Variants in CSNK1A1 observed in about 807,000 individuals in gnomAD.
CSNK1A1 encodes the protein casein kinase 1 alpha 1, also known as casein kinase I isoform alpha.
In CSNK1A1, 7 loss-of-function variants were observed where a neutral mutation model predicts 46.1. The observed-to-expected ratio is 0.15, with a 90% CI of 0.09 to 0.29. The LOEUF is 0.29. Among genes scored for constraint, CSNK1A1 ranks in the 10% least tolerant of loss-of-function variants. CSNK1A1 has a pLI of 1.00. For missense variants in CSNK1A1, 96 were observed against 417.1 expected (o/e 0.23, Z 6.71); for synonymous variants, 137 against 141.5 (o/e 0.97, Z 0.23).
rs753475650 is a variant in CSNK1A1, at chr5:149,525,145, T to C, written c.257A>G (p.Asn86Ser). The C allele has an allele frequency of 3.7e-6, 6 of 1,611,442 alleles. No individual in the cohort carries two copies. Among genetic ancestry groups the C allele is most frequent in the East Asian group, 2.2e-5 (1 of 44,774 alleles). Residue 86 changes from asparagine to serine, a missense_variant, in exon 3 of 10, where the codon AAT becomes AGT. Asn to Ser is a conservative substitution (Grantham distance 46). Transcript: ENST00000377843. This position sits in a 1 kb window ranked among gnomAD's most constrained non-coding sequence, Gnocchi z 4.2. The stretch of plus-strand genomic sequence containing the variant: ...TCCCAGAAGATCCATGACTAGTACA[T>C]TGTAGTCTTTTTCCTGACCATACCA... ...IRWYGQEKDY[N>S]VLVMDLLGPS...
chr5:149,505,046 A>G (rs1365184804), intron 9 of CSNK1A1: 2 of 987,830 alleles, frequency 2.0e-6, no homozygotes, highest in South Asian at 4.7e-5. Context: ...AAGTCAAAAT[A>G]TGGCTAACCA....
chr5:149,504,532 G>C (rs1236420202), intron 9 of CSNK1A1: 3 of 985,208 alleles, frequency 3.0e-6, no homozygotes, highest in Non-Finnish European at 3.6e-6. Context: ...CCCAGAAATG[G>C]GAAAAGAAAG....
At chr5:149,518,738 AG>A (rs1291551863) in intron 4 of CSNK1A1, among the ~76,000 whole-genome samples, 1 of 151,742 alleles carries the variant, frequency 6.6e-6, no homozygotes, top group African/African-American at 2.4e-5. Flanking sequence ...TTTCACCACT[AG>A]ATAACTTACA....
At chr5:149,533,157 A>G (rs1480221123) in intron 2 of CSNK1A1, among the ~76,000 whole-genome samples, 1 of 152,218 alleles carries the variant, frequency 6.6e-6, no homozygotes, top group Non-Finnish European at 1.5e-5. Flanking sequence ...CAAAAATTAT[A>G]AAAACAAACA....
At chr5:149,527,329 T>C (rs1028963364) in intron 2 of CSNK1A1, among the ~76,000 whole-genome samples, 23 of 152,164 alleles carry the variant, frequency 1.5e-4, no homozygotes, top group African/African-American at 5.6e-4. Flanking sequence ...CGTTTCACAA[T>C]GTTGGCCAGG....
chr5:149,540,536 C>CTATAATGTACCTATAATGTTTA (rs1762196455), intron 2 of CSNK1A1, among the ~76,000 whole-genome samples: 2 of 152,132 alleles, frequency 1.3e-5, no homozygotes, highest in Admixed American at 6.5e-5. Context: ...TATAATGTAC[C>CTATAATGTACCTATAATGTTTA]TCATGGTGAT....
rs761178044 is a variant in CSNK1A1, at chr5:149,550,189, G to A, written c.124-8C>T. 1.2e-6 allele frequency: 2 copies of A among 1,612,858 alleles called. No homozygotes were observed. Among genetic ancestry groups the A allele is most frequent in the South Asian group, 1.1e-5 (1 of 90,994 alleles). On this transcript the variant is annotated splice_polypyrimidine_tract_variant and splice_region_variant and intron_variant, in intron 1 of 9. Transcript: ENST00000377843. The surrounding 1 kb of genome is among the most constrained non-coding windows in gnomAD (Gnocchi z 4.3). ...TAGCTTCACTGCCACTTCCTGCAGG[G>A]GAAAGAGGGGATGATGGCATCAACA...
chr5:149,523,176 G>A (rs1174320319), intron 3 of CSNK1A1, among the ~76,000 whole-genome samples: 4 of 151,908 alleles, frequency 2.6e-5, no homozygotes, highest in African/African-American at 9.7e-5. Context: ...GGGTAGCTGG[G>A]ATTACAGGTG....
Position 149,542,576 on chromosome 5 carries a change from G to A in CSNK1A1, c.230+7499C>T, listed in dbSNP as rs577151381. Among the ~76,000 whole-genome samples, 292 of 96,136 alleles carry A rather than the reference G, an allele frequency of 3.0e-3. 4 individuals are homozygous for A. Among genetic ancestry groups the A allele is most frequent in the African/African-American group, 0.011 (283 of 25,152 alleles). The allele number at this position is 96,136 out of a possible 152,430, so 63.1% of individuals were successfully genotyped here. A position where few individuals can be genotyped will look rare whatever the true frequency, so the allele number is the denominator to read the frequency against. On this transcript the variant is annotated intron_variant, in intron 2 of 9. Transcript: ENST00000377843. ...TTACATGGGTTCAAGCATTTACTCC[G>A]AAATGAGATACAAATTTATATATAT...
At chr5:149,533,658 G>A (rs1485641329) in intron 2 of CSNK1A1, among the ~76,000 whole-genome samples, 1 of 150,798 alleles carries the variant, frequency 6.6e-6, no homozygotes. Flanking sequence ...ACAAATAATT[G>A]AGCGGGGACG....
At chr5:149,505,928 C>A (rs969934978) in intron 8 of CSNK1A1, among the ~76,000 whole-genome samples, 8 of 151,908 alleles carry the variant, frequency 5.3e-5, no homozygotes, top group Non-Finnish European at 1.0e-4. Context: ...TACCTGAATT[C>A]TCTCTTTTTT....
chr5:149,543,477 C>T (rs1034655287), intron 2 of CSNK1A1, among the ~76,000 whole-genome samples: 3 of 151,394 alleles, frequency 2.0e-5, no homozygotes, highest in Non-Finnish European at 2.9e-5. Context: ...CTGTGACGTA[C>T]GTTTTTCTGG....
At position 149,550,146 on chromosome 5, in the gene CSNK1A1, C is replaced by T. The variant is rs1762610359; in HGVS notation, c.159G>A (p.Arg53=). ...VAVKLESQKA[R]HPQLLYESKL... is the part of the protein sequence containing the mutation. ...TGCTCTCGTACAGCAACTGGGGATG[C>T]CTGGCCTTCTGAGATTCTAGCTTCA... The change falls in exon 2 of 10, where the codon AGG becomes AGA. Residue 53 remains arginine, a synonymous_variant. Coordinates refer to ENST00000377843, the MANE Select transcript of CSNK1A1 (RefSeq NM_001892.6). The surrounding 1 kb of genome is among the most constrained non-coding windows in gnomAD (Gnocchi z 4.3). 3 of 1,613,798 alleles carry T rather than the reference C, an allele frequency of 1.9e-6. No homozygotes were observed. Among genetic ancestry groups the T allele is most frequent in the Admixed American group, 1.7e-5 (1 of 59,998 alleles).
chr5:149,527,168 G>A (rs1433947572), intron 2 of CSNK1A1, among the ~76,000 whole-genome samples: 1 of 150,866 alleles, frequency 6.6e-6, no homozygotes. Flanking sequence ...TGCTCTGTCC[G>A]ACAGGCTCGA....
intron 5 of CSNK1A1, among the ~76,000 whole-genome samples, chr5:149,512,594 T>C (rs1761264374): frequency 6.6e-6 from 1 of 152,198 alleles, no homozygotes; most frequent in Admixed American, 6.5e-5. Flanking sequence ...TTTTTTACTT[T>C]AAACTAGATC....
At chr5:149,545,748 T>A in intron 2 of CSNK1A1, 1 of 637,500 alleles carries the variant, frequency 1.6e-6, no homozygotes, top group East Asian at 3.3e-5. Context: ...CCACCATTTC[T>A]GTGCCATTTT....
At chr5:149,534,424 C>G (rs1300404454) in intron 2 of CSNK1A1, among the ~76,000 whole-genome samples, 2 of 134,314 alleles carry the variant, frequency 1.5e-5, no homozygotes, top group East Asian at 4.5e-4. Flanking sequence ...GCGGGGGTTG[C>G]AGTGAGCTGA....
chr5:149,508,892 T>G (rs1419166351), intron 7 of CSNK1A1, among the ~76,000 whole-genome samples: 1 of 152,228 alleles, frequency 6.6e-6, no homozygotes, highest in Non-Finnish European at 1.5e-5. Context: ...TTTTACTTAC[T>G]TAAAACGTTT....
rs1302273714 is a variant in CSNK1A1 at position 149,495,867 on chromosome 5, G to A, written c.*986C>T. The A allele has an allele frequency of 6.6e-6, 1 of 152,034 alleles. No homozygotes were observed. The highest frequency in any genetic ancestry group is 1.5e-5 in the Non-Finnish European group (1 of 67,970). The allele number at this position is 152,034 out of a possible 1,614,324, so 9.4% of individuals were successfully genotyped here. A position where few individuals can be genotyped will look rare whatever the true frequency, so the allele number is the denominator to read the frequency against. ...TATAACACGAAACCTAAATTGACTT[G>A]CAAAGGAATACCATGTAACAAATGG... On this transcript the variant is annotated 3_prime_UTR_variant, in exon 10 of 10. Coordinates refer to ENST00000377843, the MANE Select transcript of CSNK1A1 (RefSeq NM_001892.6).
Sources: allele counts gnomAD v4.1 joint callset (sites outside exome capture counted in the v4.1 genomes callset), GRCh38; gene constraint gnomAD v4.1.1; non-coding constraint Gnocchi (gnomAD v3.1); transcripts MANE v1.5; gene names NCBI Gene and HGNC (gene_info 2026-07-23, HGNC 2026-07-21).